Variants in PPP2R2B observed in about 807,000 individuals in gnomAD.
The protein encoded by PPP2R2B is protein phosphatase 2 regulatory subunit Bbeta.
PPP2R2B carries 5 observed loss-of-function variants against 46.0 expected under a neutral mutation model. That is an observed-to-expected ratio of 0.11 (90% CI 0.06 to 0.23). The LOEUF is 0.23. Ranked by LOEUF, PPP2R2B falls within the 10% of genes least tolerant of loss-of-function variation. The pLI, the probability that PPP2R2B is intolerant of heterozygous loss-of-function variation, is 1.00. For synonymous variants in PPP2R2B, 215 were observed against 206.7 expected, an observed-to-expected ratio of 1.04 and a Z score of -0.34; for missense variants, 367 against 575.0, an observed-to-expected ratio of 0.64 and a Z score of 3.70.
chr5:146,797,794 T>C (rs1040463482), intron 2 of PPP2R2B, among the ~76,000 whole-genome samples: 11 of 152,198 alleles, frequency 7.2e-5, no homozygotes, highest in African/African-American at 2.4e-4. Flanking sequence ...GACATGTTAA[T>C]TGGGGCTCAG....
At chr5:146,633,019 T>TA (rs1352466197) in intron 7 of PPP2R2B, among the ~76,000 whole-genome samples, 1 of 152,126 alleles carries the variant, frequency 6.6e-6, no homozygotes, top group Middle Eastern at 3.2e-3. Context: ...CAGCCACCGA[T>TA]ACTCATGCGT....
At chr5:146,784,383 A>G (rs1755713847) in intron 2 of PPP2R2B, among the ~76,000 whole-genome samples, 1 of 152,224 alleles carries the variant, frequency 6.6e-6, no homozygotes, top group South Asian at 2.1e-4. Flanking sequence ...CATATTACCT[A>G]CAAAATAGAT....
intron 2 of PPP2R2B, among the ~76,000 whole-genome samples, chr5:147,072,395 G>A (rs1757627671): frequency 6.6e-6 from 1 of 152,114 alleles, no homozygotes; most frequent in Non-Finnish European, 1.5e-5. Flanking sequence ...TTTTTGGTTA[G>A]TTGACATTTA....
intron 9 of PPP2R2B, among the ~76,000 whole-genome samples, chr5:146,591,632 C>T (rs1017938540): frequency 2.7e-5 from 4 of 147,222 alleles, no homozygotes; most frequent in Admixed American, 2.7e-4. Flanking sequence ...GCTTGCCCAC[C>T]ATGACCCGAC....
intron 7 of PPP2R2B, among the ~76,000 whole-genome samples, chr5:146,616,429 C>T (rs1293017438): frequency 6.6e-6 from 1 of 151,980 alleles, no homozygotes; most frequent in Non-Finnish European, 1.5e-5. Context: ...AAACAGTCAA[C>T]AAAATGAAAA....
chr5:147,009,215 T>C (rs543215466), intron 1 of PPP2R2B, among the ~76,000 whole-genome samples: 3 of 152,310 alleles, frequency 2.0e-5, no homozygotes, highest in East Asian at 3.9e-4. Flanking sequence ...TTTTCCTCTT[T>C]ACCCTGGCTT....
chr5:146,987,283 A>G (rs1365356830), intron 1 of PPP2R2B, among the ~76,000 whole-genome samples: 1 of 152,120 alleles, frequency 6.6e-6, no homozygotes, highest in Non-Finnish European at 1.5e-5. Flanking sequence ...GGAAAAAGAC[A>G]CATGTGCAAC....
chr5:146,915,093 T>C (rs984539037), intron 1 of PPP2R2B, among the ~76,000 whole-genome samples: 3 of 152,162 alleles, frequency 2.0e-5, no homozygotes, highest in Non-Finnish European at 2.9e-5. Flanking sequence ...AGATATATCC[T>C]TATCTATCTT....
chr5:146,609,195 C>A (rs1003423381), intron 7 of PPP2R2B, among the ~76,000 whole-genome samples: 7 of 152,020 alleles, frequency 4.6e-5, no homozygotes, highest in Non-Finnish European at 1.0e-4. Context: ...ATAGAAGAAA[C>A]GTACCTTAAA....
intron 5 of PPP2R2B, among the ~76,000 whole-genome samples, chr5:146,668,134 G>A (rs1370868748): frequency 1.3e-5 from 2 of 152,084 alleles, no homozygotes; most frequent in African/African-American, 4.8e-5. Context: ...TTTCTTATAT[G>A]TACCCACTGT....
intron 2 of PPP2R2B, among the ~76,000 whole-genome samples, chr5:146,851,202 T>C (rs1051882419): frequency 2.6e-5 from 4 of 152,124 alleles, no homozygotes; most frequent in Non-Finnish European, 5.9e-5. Context: ...ATTAAGTAAT[T>C]TTTCTTTATT....
At chr5:146,779,285 G>C (rs976021156) in intron 2 of PPP2R2B, among the ~76,000 whole-genome samples, 1 of 152,144 alleles carries the variant, frequency 6.6e-6, no homozygotes, top group Admixed American at 6.5e-5. Context: ...GAAGGGGCTG[G>C]ATGCTGGAAA....
At chr5:146,932,416 C>A (rs1763997849) in intron 1 of PPP2R2B, among the ~76,000 whole-genome samples, 1 of 152,034 alleles carries the variant, frequency 6.6e-6, no homozygotes, top group Non-Finnish European at 1.5e-5. Flanking sequence ...TGTGGTTACC[C>A]CTATACTGCT....
intron 1 of PPP2R2B, among the ~76,000 whole-genome samples, chr5:146,891,306 TGTAAAAATGGAATGAAATGCCTA>T (rs1762484836): frequency 6.6e-6 from 1 of 152,238 alleles, no homozygotes; most frequent in Non-Finnish European, 1.5e-5. Context: ...GTAGAGTAGT[TGTAAAAATGGAATGAAATGCCTA>T]AAGCAATGCA....
intron 1 of PPP2R2B, among the ~76,000 whole-genome samples, chr5:146,993,812 T>C (rs1356764400): frequency 6.6e-6 from 1 of 152,302 alleles, no homozygotes; most frequent in East Asian, 1.9e-4. Flanking sequence ...GCACAGTTTT[T>C]TTTTTTAAAT....
intron 2 of PPP2R2B, among the ~76,000 whole-genome samples, chr5:146,817,836 A>G (rs1758021541): frequency 6.6e-6 from 1 of 152,216 alleles, no homozygotes. Flanking sequence ...CACCCATTTC[A>G]TAACAATTTA....
chr5:146,932,078 T>C (rs1763987547), intron 1 of PPP2R2B, among the ~76,000 whole-genome samples: 1 of 152,224 alleles, frequency 6.6e-6, no homozygotes. Context: ...ATGTTTGAAC[T>C]GAATCGTTTA....
At chr5:146,907,371 A>G (rs893497990) in intron 1 of PPP2R2B, among the ~76,000 whole-genome samples, 2 of 152,208 alleles carry the variant, frequency 1.3e-5, no homozygotes, top group Admixed American at 6.5e-5. Context: ...CTTCTTCAGG[A>G]CATTGGTTAA....
chr5:146,869,539 G>A lies in PPP2R2B; in HGVS notation c.70+8463C>T, dbSNP rs181814473. Among the ~76,000 whole-genome samples the A allele has an allele frequency of 1.4e-3, 213 of 152,206 alleles. 4 individuals are homozygous for A. The highest frequency in any genetic ancestry group is 4.6e-3 in the African/African-American group (192 of 41,520). Reference sequence around the variant, plus strand: ...TAGAAAAACAAAGTGCAAATAAAACGGGCAGTGTGTACTCATTTATGCAAA... The same window carrying A: ...TAGAAAAACAAAGTGCAAATAAAACAGGCAGTGTGTACTCATTTATGCAAA... On this transcript the variant is annotated intron_variant, in intron 2 of 9. Transcript: ENST00000394411.
Sources: gnomAD v4.1 joint callset for allele counts (sites outside exome capture counted in the v4.1 genomes callset) on GRCh38, gnomAD v4.1.1 for gene constraint, MANE v1.5 for transcripts, NCBI Gene and HGNC (gene_info 2026-07-23, HGNC 2026-07-21) for gene names.